Variants in ARHGAP15 observed in about 807,000 individuals in gnomAD.
ARHGAP15 encodes rho GTPase-activating protein 15.
Under a neutral mutation model 63.7 loss-of-function variants are expected in ARHGAP15, and 51 were observed. The observed-to-expected ratio is 0.80, with a 90% CI of 0.64 to 1.01. ARHGAP15 has a LOEUF of 1.01. Ranked by LOEUF, ARHGAP15 falls within the 50% of genes least tolerant of loss-of-function variation. ARHGAP15 has a pLI of 0.00. For missense variants in ARHGAP15, 560 were observed against 564.6 expected, an observed-to-expected ratio of 0.99 and a Z score of 0.08; for synonymous variants, 191 against 193.8, an observed-to-expected ratio of 0.99 and a Z score of 0.12.
chr2:143,659,241 A>G (rs926131630), intron 12 of ARHGAP15, among the ~76,000 whole-genome samples: 8 of 152,300 alleles, frequency 5.3e-5, no homozygotes, highest in Admixed American at 1.3e-4. Flanking sequence ...TAAGTAGGGA[A>G]AAAAGGGATA....
chr2:143,408,738 A>C (rs906150100), intron 6 of ARHGAP15, among the ~76,000 whole-genome samples: 4 of 151,974 alleles, frequency 2.6e-5, no homozygotes, highest in Non-Finnish European at 4.4e-5. Flanking sequence ...TATTTGAAGC[A>C]TTTGATTAGA....
At chr2:143,563,711 CCAT>C (rs946937802) in intron 11 of ARHGAP15, among the ~76,000 whole-genome samples, 9 of 152,132 alleles carry the variant, frequency 5.9e-5, no homozygotes, top group Non-Finnish European at 8.8e-5. Flanking sequence ...ATGATCATCA[CCAT>C]CATCATCATC....
chr2:143,147,475 T>C (rs1407332289), intron 1 of ARHGAP15, among the ~76,000 whole-genome samples: 1 of 152,054 alleles, frequency 6.6e-6, no homozygotes, highest in Non-Finnish European at 1.5e-5. Flanking sequence ...TCTAAGAAGA[T>C]TGCCATTTTA....
rs1533525 is a variant in ARHGAP15 at position 143,667,882 on chromosome 2, G to A, written c.1139-35537G>A. Among the ~76,000 whole-genome samples the A allele has an allele frequency of 3.4e-4, 52 of 152,132 alleles. 2 individuals carry two copies. The Middle Eastern group carries it at 0.01, about 30-fold the overall frequency. ...ATGTGCCTGTTGTGCCATCTACTCA[G>A]GAAGCTGAGATGGAAGGATCACCTG... On this transcript the variant is annotated intron_variant, in intron 12 of 13. Transcript: ENST00000295095.
chr2:143,595,622 C>G (rs1241387307), intron 11 of ARHGAP15, among the ~76,000 whole-genome samples: 1 of 151,878 alleles, frequency 6.6e-6, no homozygotes, highest in Non-Finnish European at 1.5e-5. Context: ...TAGTAGATGC[C>G]AAATTAAGAC....
At chr2:143,413,966 T>TGTGTGTGTGTGTGCGCGC in intron 6 of ARHGAP15, among the ~76,000 whole-genome samples, 26 of 117,912 alleles carry the variant, frequency 2.2e-4, no homozygotes, top group African/African-American at 8.9e-4. Flanking sequence ...TGTGTGTGTG[T>TGTGTGTGTGTGTGCGCGC]GCGCGCTCTC....
chr2:143,732,910 GTTTTTTT>G (rs35876339), intron 13 of ARHGAP15, among the ~76,000 whole-genome samples: 1 of 122,014 alleles, frequency 8.2e-6, no homozygotes, highest in Admixed American at 8.7e-5. Flanking sequence ...TTGTTTTTGG[GTTTTTTT>G]TTTTTTTTTT....
chr2:143,438,295 G>A (rs148030312), intron 8 of ARHGAP15, among the ~76,000 whole-genome samples: 2,671 of 152,136 alleles, frequency 0.018, 39 homozygotes, highest in African/African-American at 0.041. Flanking sequence ...ATGTATGTAT[G>A]CTAGATGATT....
At chr2:143,351,269 C>A (rs892575402) in intron 6 of ARHGAP15, 6 of 152,090 alleles carry the variant, frequency 3.9e-5, no homozygotes, top group Admixed American at 6.5e-5. Context: ...AAGCAATCAA[C>A]TAATATATTT....
intron 5 of ARHGAP15, chr2:143,238,253 C>G (rs1417431728): frequency 6.6e-6 from 1 of 152,082 alleles, no homozygotes; most frequent in Non-Finnish European, 1.5e-5. Context: ...TCAGAGTGAA[C>G]AGACAACTTT....
chr2:143,135,225 C>T (rs827219), intron 1 of ARHGAP15, among the ~76,000 whole-genome samples: 75,162 of 151,944 alleles, frequency 0.49, 19,038 homozygotes, highest in Middle Eastern at 0.61. Context: ...CTATCTTTGC[C>T]TAAATGGTGG....
chr2:143,283,286 T>A (rs574599881), intron 6 of ARHGAP15, among the ~76,000 whole-genome samples: 9 of 152,286 alleles, frequency 5.9e-5, no homozygotes, highest in Admixed American at 2.0e-4. Context: ...AGTTTGAAAC[T>A]GCCAACATGA....
chr2:143,171,443 T>C (rs1369878555), intron 2 of ARHGAP15, among the ~76,000 whole-genome samples: 2 of 151,994 alleles, frequency 1.3e-5, no homozygotes, highest in African/African-American at 4.8e-5. Context: ...GGCAGTAAAA[T>C]AAGGCATCCT....
intron 5 of ARHGAP15, among the ~76,000 whole-genome samples, chr2:143,240,858 A>T (rs562419154): frequency 1.3e-5 from 2 of 152,326 alleles, no homozygotes; most frequent in East Asian, 1.9e-4. Flanking sequence ...TTCTCTGGTT[A>T]TATTTTTTTC....
intron 10 of ARHGAP15, among the ~76,000 whole-genome samples, chr2:143,542,009 C>T (rs1430892441): frequency 6.6e-6 from 1 of 152,222 alleles, no homozygotes; most frequent in Non-Finnish European, 1.5e-5. Flanking sequence ...CCTCCTTGAG[C>T]TGTGGTGGGC....
chr2:143,652,006 A>G (rs563679892), intron 12 of ARHGAP15, among the ~76,000 whole-genome samples: 6 of 152,104 alleles, frequency 3.9e-5, no homozygotes, highest in African/African-American at 1.2e-4. Flanking sequence ...CATTTTTATC[A>G]GATGTCTGTT....
chr2:143,195,209 C>G (rs9287349), intron 2 of ARHGAP15, among the ~76,000 whole-genome samples: 1 of 151,290 alleles, frequency 6.6e-6, no homozygotes, highest in Non-Finnish European at 1.5e-5. Context: ...TAGGGAAGAG[C>G]CCCCCTCCCA....
chr2:143,732,616 G>A (rs1306689045), intron 13 of ARHGAP15, among the ~76,000 whole-genome samples: 2 of 152,024 alleles, frequency 1.3e-5, no homozygotes, highest in East Asian at 3.9e-4. Context: ...GATCTAAAAT[G>A]TATGGATTTC....
chr2:143,499,845 A>G (rs989123823), intron 9 of ARHGAP15, among the ~76,000 whole-genome samples: 3 of 152,150 alleles, frequency 2.0e-5, no homozygotes, highest in Non-Finnish European at 4.4e-5. Flanking sequence ...TCTCCTAAGA[A>G]CAATTATTAT....
Sources: gnomAD v4.1 joint callset for allele counts (sites outside exome capture counted in the v4.1 genomes callset) on GRCh38, gnomAD v4.1.1 for gene constraint, MANE v1.5 for transcripts, NCBI Gene and HGNC (gene_info 2026-07-23, HGNC 2026-07-21) for gene names.